The following PLCL2 variants were observed in gnomAD, a reference collection of about 807,000 sequenced individuals.
PLCL2 encodes inactive phospholipase C-like protein 2.
PLCL2 carries 4 observed loss-of-function variants against 79.6 expected under a neutral mutation model. The observed-to-expected ratio is 0.05, with a 90% CI of 0.02 to 0.11. The LOEUF is 0.11. Among genes scored for constraint, PLCL2 ranks in the 10% least tolerant of loss-of-function variants. The pLI is 1.00. For synonymous variants in PLCL2, 484 were observed against 457.7 expected (o/e 1.06, Z -0.73); for missense variants, 895 against 1,291.0 (o/e 0.69, Z 4.70).
intron 1 of PLCL2, among the ~76,000 whole-genome samples, chr3:16,934,105 A>G (rs147731885): frequency 1.3e-5 from 2 of 152,242 alleles, no homozygotes; most frequent in East Asian, 3.9e-4. Context: ...ATGAATAAGG[A>G]AAGGAGCCCT....
At chr3:16,962,083 C>T (rs976603107) in intron 1 of PLCL2, among the ~76,000 whole-genome samples, 7 of 152,072 alleles carry the variant, frequency 4.6e-5, no homozygotes, top group African/African-American at 1.4e-4. Context: ...GGAGCATGGA[C>T]GCCCAGGAGT....
intron 1 of PLCL2, among the ~76,000 whole-genome samples, chr3:16,984,104 C>A (rs897444970): frequency 4.6e-5 from 7 of 151,466 alleles, no homozygotes; most frequent in African/African-American, 1.7e-4. Flanking sequence ...TTCATGAACG[C>A]GTGGAGGGTA....
intron 1 of PLCL2, among the ~76,000 whole-genome samples, chr3:16,947,780 A>G (rs1486790176): frequency 6.6e-6 from 1 of 152,184 alleles, no homozygotes; most frequent in Non-Finnish European, 1.5e-5. Context: ...ATAAATTCTA[A>G]TAAAAAAATT....
chr3:17,070,238 C>A (rs2065049602), intron 5 of PLCL2, among the ~76,000 whole-genome samples: 1 of 152,148 alleles, frequency 6.6e-6, no homozygotes, highest in Non-Finnish European at 1.5e-5. Context: ...TTTACAAGAT[C>A]CCCAGGTGAT....
At chr3:16,905,364 A>G (rs984539526) in intron 1 of PLCL2, among the ~76,000 whole-genome samples, 8 of 152,234 alleles carry the variant, frequency 5.3e-5, no homozygotes, top group South Asian at 4.1e-4. Context: ...CTGGAAGTCA[A>G]AGCTGATTGG....
chr3:17,031,366 C>A (rs1022515276), intron 3 of PLCL2, among the ~76,000 whole-genome samples: 1 of 152,184 alleles, frequency 6.6e-6, no homozygotes, highest in Admixed American at 6.6e-5. Flanking sequence ...CTCACAGTAC[C>A]TGTTGAAAGT....
At chr3:17,076,676 C>T (rs13059760) in intron 5 of PLCL2, among the ~76,000 whole-genome samples, 18,000 of 151,868 alleles carry the variant, frequency 0.12, 1,545 homozygotes, top group Non-Finnish European at 0.17. Context: ...ATAATTTGTA[C>T]GTTTTTTGTA....
intron 1 of PLCL2, among the ~76,000 whole-genome samples, chr3:16,918,099 A>G (rs989100136): frequency 2.6e-5 from 4 of 152,204 alleles, no homozygotes; most frequent in Admixed American, 2.6e-4. Flanking sequence ...ACTGAATCAA[A>G]GGAGCACTGT....
rs981588344 is a variant in PLCL2, at chr3:17,073,221, A to G, written c.3204+5156A>G. ...GAGACTGCTTGATCAGTTCCAGACC[A>G]TGGCAATAAAGCAAATATCACAATA... On this transcript the variant is annotated intron_variant, in intron 5 of 5. Transcript: ENST00000615277. Among the ~76,000 whole-genome samples, 5 of 152,332 alleles carry G rather than the reference A, an allele frequency of 3.3e-5. No homozygotes were observed. In the East Asian group the frequency reaches 5.8e-4, roughly 18 times the overall value.
intron 1 of PLCL2, among the ~76,000 whole-genome samples, chr3:16,987,828 G>C (rs1192962036): frequency 6.6e-6 from 1 of 152,124 alleles, no homozygotes; most frequent in Non-Finnish European, 1.5e-5. Flanking sequence ...AGCACTATTT[G>C]TCTTTTACTA....
Position 16,886,811 on chromosome 3 carries a change from G to A in PLCL2, c.327+1445G>A, listed in dbSNP as rs1403313697. On this transcript the variant is annotated intron_variant, in intron 1 of 5. Transcript: ENST00000615277. The surrounding 1 kb of genome is among the most constrained non-coding windows in gnomAD (Gnocchi z 4.2). ...ATAATCAATCCTATTGACAGAGTTA[G>A]GTGACATTTCTGTTTTTATTTGTCA... is the stretch of plus-strand genomic sequence containing the variant. 6.6e-6 allele frequency among the ~76,000 whole-genome samples: 1 copy of A among 152,196 alleles called. No individual in the cohort carries two copies. The highest frequency in any genetic ancestry group is 1.9e-4 in the East Asian group (1 of 5,206).
chr3:17,000,113 C>G (rs1482511966), intron 1 of PLCL2, among the ~76,000 whole-genome samples: 1 of 152,126 alleles, frequency 6.6e-6, no homozygotes, highest in Non-Finnish European at 1.5e-5. Context: ...CTTTCAAAGA[C>G]TAACATCTAA....
At chr3:16,896,914 T>G (rs1319783692) in intron 1 of PLCL2, among the ~76,000 whole-genome samples, 1 of 152,190 alleles carries the variant, frequency 6.6e-6, no homozygotes, top group Non-Finnish European at 1.5e-5. Context: ...AATCAGAACC[T>G]CTGGGGGTTT....
At chr3:17,032,016 A>T (rs960809692) in intron 3 of PLCL2, among the ~76,000 whole-genome samples, 4 of 145,640 alleles carry the variant, frequency 2.7e-5, no homozygotes, top group African/African-American at 1.0e-4. Flanking sequence ...AACTCCTTCC[A>T]TTTTTTGAAA....
chr3:16,977,519 C>G (rs1469187931), intron 1 of PLCL2, among the ~76,000 whole-genome samples: 1 of 152,190 alleles, frequency 6.6e-6, no homozygotes, highest in Admixed American at 6.5e-5. Context: ...TCAGGTCCCC[C>G]ACTCTCTCTG....
chr3:17,040,887 T>G (rs1413324766), intron 3 of PLCL2, among the ~76,000 whole-genome samples: 2 of 152,202 alleles, frequency 1.3e-5, no homozygotes, highest in East Asian at 3.9e-4. Flanking sequence ...GCTCCTGTCC[T>G]CATTTGTTTA....
intron 5 of PLCL2, among the ~76,000 whole-genome samples, chr3:17,070,694 C>A (rs2065053077): frequency 6.6e-6 from 1 of 152,040 alleles, no homozygotes; most frequent in Admixed American, 6.5e-5. Flanking sequence ...CTAAGTTGAG[C>A]TACCAGTATT....
chr3:16,918,914 T>G (rs1400293632), intron 1 of PLCL2, among the ~76,000 whole-genome samples: 1 of 152,168 alleles, frequency 6.6e-6, no homozygotes, highest in South Asian at 2.1e-4. Flanking sequence ...CACTTTACAC[T>G]TGACAGCATG....
At chr3:17,040,853 T>C (rs571407280) in intron 3 of PLCL2, among the ~76,000 whole-genome samples, 1 of 152,334 alleles carries the variant, frequency 6.6e-6, no homozygotes, top group Admixed American at 6.5e-5. Flanking sequence ...TGCTGCTGTT[T>C]TGTTCTCCTC....
Sources: gnomAD v4.1 joint callset for allele counts (sites outside exome capture counted in the v4.1 genomes callset) on GRCh38, gnomAD v4.1.1 for gene constraint, Gnocchi (gnomAD v3.1) non-coding constraint, MANE v1.5 for transcripts, NCBI Gene and HGNC (gene_info 2026-07-23, HGNC 2026-07-21) for gene names.